Variants in BIRC6 observed in about 807,000 individuals in gnomAD.
BIRC6 encodes the protein dual E2 ubiquitin-conjugating enzyme/E3 ubiquitin-protein ligase BIRC6.
BIRC6 carries 98 observed loss-of-function variants against 503.3 expected under a neutral mutation model. That is an observed-to-expected ratio of 0.19 (90% CI 0.17 to 0.23). The LOEUF is 0.23. Among genes scored for constraint, BIRC6 ranks in the 10% least tolerant of loss-of-function variants. The pLI is 1.00. For missense variants in BIRC6, 5,360 were observed against 5,806.0 expected, an observed-to-expected ratio of 0.92 and a Z score of 2.50; for synonymous variants, 2,240 against 2,078.7, an observed-to-expected ratio of 1.08 and a Z score of -2.11.
intron 17 of BIRC6, 66 bp from the exon 18 acceptor site, chr2:32,441,999 C>T: frequency 8.3e-7 from 1 of 1,198,442 alleles, no homozygotes; most frequent in Non-Finnish European, 1.1e-6. Flanking sequence ...CCTTTCCAGC[C>T]AGGTTGTGAT....
intron 49 of BIRC6, among the ~76,000 whole-genome samples, 191 bp downstream of exon 49, chr2:32,503,427 T>C (rs2053426537): frequency 6.6e-6 from 1 of 152,020 alleles, no homozygotes; most frequent in South Asian, 2.1e-4. Context: ...TTTGTTTGTT[T>C]GTTTGTTTGT....
At chr2:32,588,515 A>T (rs2151303834) in intron 66 of BIRC6, among the ~76,000 whole-genome samples, 1 of 152,280 alleles carries the variant, frequency 6.6e-6, no homozygotes, top group African/African-American at 2.4e-5. Flanking sequence ...GCTCCCACAC[A>T]CACAGTATTA....
rs977001793 is a variant in BIRC6, at chr2:32,468,502, G to A, written c.5846G>A (p.Ser1949Asn). ...LQSIDLPPLN[S>N]ANNAQYFLRK... is the part of the protein sequence containing the mutation. Reference sequence around the variant, plus strand: ...AGTATTGATCTTCCTCCTCTAAACAGTGCTAACAATGCACAGTACTTTTTA... The same window carrying A: ...AGTATTGATCTTCCTCCTCTAAACAATGCTAACAATGCACAGTACTTTTTA... The change falls in exon 29 of 74, where the codon AGT (serine) becomes AAT (asparagine). Residue 1949 changes from serine to asparagine, a missense_variant. This residue lies in a region of BIRC6 where 2,299 missense variants were observed against 2,267.2 expected (regional missense o/e 1.01). Transcript: ENST00000421745. 1.2e-6 allele frequency: 2 copies of A among 1,613,870 alleles called. No homozygotes were observed. The highest frequency in any genetic ancestry group is 2.2e-5 in the South Asian group (2 of 91,074).
Position 32,415,553 on chromosome 2 carries a change from T to G in BIRC6, c.2262T>G (p.Val754=), listed in dbSNP as rs2042298428. The G allele has an allele frequency of 6.2e-7, 1 of 1,614,030 alleles. No homozygotes were observed. The highest frequency in any genetic ancestry group is 8.5e-7 in the Non-Finnish European group (1 of 1,179,892). Residue 754 remains valine (V), a synonymous_variant, in exon 10 of 74, where the codon GTT becomes GTG. Transcript: ENST00000421745. ...TGGTAGGACTGCGGACATGCCCTGTTGAATCCTTGAGTGCAATAAATCAAG... is the reference window on the plus strand; with the variant it reads ...TGGTAGGACTGCGGACATGCCCTGTGGAATCCTTGAGTGCAATAAATCAAG... The part of the protein sequence containing the change: ...HLLVGLRTCP[V]ESLSAINQVE...
intron 57 of BIRC6, among the ~76,000 whole-genome samples, chr2:32,519,645 A>T (rs1389707251): frequency 1.3e-5 from 2 of 152,252 alleles, no homozygotes; most frequent in East Asian, 3.9e-4. Context: ...CCTCCTGAGT[A>T]GCTGGCATTA....
chr2:32,421,894 CCTT>C (rs1353148918), intron 10 of BIRC6, among the ~76,000 whole-genome samples: 2 of 152,120 alleles, frequency 1.3e-5, no homozygotes, highest in African/African-American at 2.4e-5. Context: ...TTATATTGAG[CCTT>C]CTTCTATCAA....
chr2:32,595,742 A>T (rs1048487716), intron 68 of BIRC6, among the ~76,000 whole-genome samples: 73 of 152,228 alleles, frequency 4.8e-4, no homozygotes, highest in Non-Finnish European at 3.7e-4. Context: ...GTATTTTTTT[A>T]AATGCTAAAG....
intron 69 of BIRC6, among the ~76,000 whole-genome samples, chr2:32,598,756 C>T (rs1390590600): frequency 6.6e-6 from 1 of 152,154 alleles, no homozygotes; most frequent in Non-Finnish European, 1.5e-5. Flanking sequence ...TTTGGATAGG[C>T]TCATGCCTGT....
rs2060193103 is a variant in BIRC6 at position 32,575,385 on chromosome 2, A to T, written c.13355+19A>T. 1.2e-6 allele frequency: 2 copies of T among 1,605,944 alleles called. No homozygotes were observed. The highest frequency in any genetic ancestry group is 4.5e-5 in the East Asian group (2 of 44,830). On this transcript the variant is annotated intron_variant, in intron 66 of 73. Coordinates refer to ENST00000421745, the MANE Select transcript of BIRC6 (RefSeq NM_016252.4). ...GTTTAAGGTACTATATACAATGTTCATTTCTCTTGAGTTTGCCTCTAACAA... is the reference window on the plus strand; with the variant it reads ...GTTTAAGGTACTATATACAATGTTCTTTTCTCTTGAGTTTGCCTCTAACAA...
At chr2:32,438,286 A>G (rs1301537076) in intron 15 of BIRC6, among the ~76,000 whole-genome samples, 1 of 152,210 alleles carries the variant, frequency 6.6e-6, no homozygotes, top group African/African-American at 2.4e-5. Context: ...TTTGAAACAG[A>G]ATGTCAGATA....
rs367565881 is a variant in BIRC6 at position 32,525,635 on chromosome 2, T to C, written c.11920+7T>C. The C allele has an allele frequency of 5.2e-5, 83 of 1,607,002 alleles. 1 individual carries two copies. The South Asian group carries it at 8.7e-4, about 17-fold the overall frequency. On this transcript the variant is annotated splice_region_variant and intron_variant, in intron 59 of 73. Coordinates refer to ENST00000421745, the MANE Select transcript of BIRC6 (RefSeq NM_016252.4). ...TTTCACAAACTCTTGGCAGGTAATATTCCTCAATGAATAAACGTCAAAGAA... is the reference window on the plus strand; with the variant it reads ...TTTCACAAACTCTTGGCAGGTAATACTCCTCAATGAATAAACGTCAAAGAA...
chr2:32,492,472 A>G (rs896736409), intron 44 of BIRC6, among the ~76,000 whole-genome samples: 1 of 152,088 alleles, frequency 6.6e-6, no homozygotes, highest in Admixed American at 6.5e-5. Context: ...GGGCAGAGAC[A>G]TGTTATCAAG....
At chr2:32,418,322 T>C (rs2042592639) in intron 10 of BIRC6, among the ~76,000 whole-genome samples, 1 of 152,242 alleles carries the variant, frequency 6.6e-6, no homozygotes, top group Non-Finnish European at 1.5e-5. Flanking sequence ...TGTGTTCGTT[T>C]AGTCATCACA....
chr2:32,568,188 T>G (rs1171029565), intron 65 of BIRC6, among the ~76,000 whole-genome samples: 1 of 130,432 alleles, frequency 7.7e-6, no homozygotes, highest in South Asian at 2.4e-4. Context: ...AAGTTTTATC[T>G]TTTTTTTTTT....
rs567314605 is a variant in BIRC6 at position 32,483,812 on chromosome 2, C to G, written c.7696+1230C>G. Among the ~76,000 whole-genome samples, 57 of 152,310 alleles carry G rather than the reference C, an allele frequency of 3.7e-4. 1 individual carries two copies. In the South Asian group the frequency reaches 5.0e-3, roughly 13 times the overall value. On this transcript the variant is annotated intron_variant, in intron 39 of 73. Coordinates refer to ENST00000421745, the MANE Select transcript of BIRC6 (RefSeq NM_016252.4). Reference sequence around the variant, plus strand: ...AATATTCCACAAATAATGCTCCCCCCCAACATTTCATTCAATTAGGGTGGC... The same window carrying G: ...AATATTCCACAAATAATGCTCCCCCGCAACATTTCATTCAATTAGGGTGGC...
chr2:32,565,831 G>C (rs1047974813), intron 65 of BIRC6: 1 of 152,148 alleles, frequency 6.6e-6, no homozygotes, highest in African/African-American at 2.4e-5. Flanking sequence ...GCAACGCAGT[G>C]AGAGCCCCTT....
At chr2:32,439,153 AGAT>A (rs1367769768) in intron 15 of BIRC6, among the ~76,000 whole-genome samples, 2 of 152,084 alleles carry the variant, frequency 1.3e-5, no homozygotes, top group East Asian at 3.8e-4. Context: ...GTTATTATCT[AGAT>A]GATAGCTTAA....
intron 66 of BIRC6, among the ~76,000 whole-genome samples, chr2:32,575,970 A>C (rs1056711064): frequency 6.6e-6 from 1 of 152,210 alleles, no homozygotes; most frequent in Non-Finnish European, 1.5e-5. Context: ...AATAGATGCT[A>C]GTTTCTCACA....
In BIRC6 at chr2:32,524,938, GA is replaced by G; in HGVS notation, c.11678del (p.Lys3893ArgfsTer28). ...KLISEQKDDK[E>X]KKNHEEKEKV... ...AATTAGTGAACAAAAAGATGACAAAGAAAAGAAAAACCATGAAGAGAAAGAA... is the reference window on the plus strand; with the variant it reads ...AATTAGTGAACAAAAAGATGACAAAGAAAGAAAAACCATGAAGAGAAAGAA... On this transcript the variant is annotated frameshift_variant, in exon 58 of 74. Coordinates refer to ENST00000421745, the MANE Select transcript of BIRC6 (RefSeq NM_016252.4). LOFTEE classifies it high-confidence loss of function. 6.5e-7 allele frequency: 1 copy of G among 1,529,296 alleles called. No homozygotes were observed. The highest frequency in any genetic ancestry group is 2.1e-5 in the Admixed American group (1 of 47,768). 94.7% of individuals were successfully genotyped at this position (1,529,296 alleles called of 1,614,324 possible). A position where few individuals can be genotyped will look rare whatever the true frequency, so the allele number is the denominator to read the frequency against.
Sources: gnomAD v4.1 joint callset for allele counts (sites outside exome capture counted in the v4.1 genomes callset) on GRCh38, gnomAD v4.1.1 for gene constraint, gnomAD v4.1.1 regional missense constraint, MANE v1.5 for transcripts, NCBI Gene and HGNC (gene_info 2026-07-23, HGNC 2026-07-21) for gene names.